Variants in PRIM2 observed in about 807,000 individuals in gnomAD.
PRIM2 encodes DNA primase subunit 2.
A neutral mutation model predicts 67.3 loss-of-function variants in PRIM2; 39 were observed. That is an observed-to-expected ratio of 0.58 (90% confidence interval 0.45 to 0.76). The LOEUF is 0.76. Ranked by LOEUF, PRIM2 falls within the 30% of genes least tolerant of loss-of-function variation. The pLI is 0.00. For synonymous variants in PRIM2, 143 were observed against 198.7 expected (o/e 0.72, Z 2.36); for missense variants, 398 against 598.7 (o/e 0.66, Z 3.50).
At chr6:57,375,210 A>G in intron 5 of PRIM2, among the ~76,000 whole-genome samples, 1 of 152,230 alleles carries the variant, frequency 6.6e-6, no homozygotes, top group Non-Finnish European at 1.5e-5. Flanking sequence ...GGTTTGTCAT[A>G]TATGGCTCTT....
intron 2 of PRIM2, among the ~76,000 whole-genome samples, chr6:57,320,104 C>T (rs924814504): frequency 6.6e-6 from 1 of 152,322 alleles, no homozygotes; most frequent in East Asian, 1.9e-4. Flanking sequence ...ATGCCTACTG[C>T]CTAACAGGCA....
At chr6:57,254,644 C>CAG in the PRIM2 span, among the ~76,000 whole-genome samples, 1 of 152,150 alleles carries the variant, frequency 6.6e-6, no homozygotes, top group South Asian at 2.1e-4. Flanking sequence ...GAATTCTTAA[C>CAG]AGAGGCCTGT....
intron 7 of PRIM2, among the ~76,000 whole-genome samples, chr6:57,467,776 AT>A (rs1349928174): frequency 0.67 from 102,178 of 151,868 alleles, 34,350 homozygotes; most frequent in South Asian, 0.74. Flanking sequence ...ATGTTTTTCC[AT>A]TTTTTTTGTG....
intron 5 of PRIM2, among the ~76,000 whole-genome samples, chr6:57,346,138 C>T (rs1768669629): frequency 6.6e-6 from 1 of 152,088 alleles, no homozygotes; most frequent in Non-Finnish European, 1.5e-5. Context: ...CTTGCTGACC[C>T]TTTGTCTCAT....
chr6:57,623,819 T>C (rs1185297616), intron 12 of PRIM2, among the ~76,000 whole-genome samples: 3 of 152,158 alleles, frequency 2.0e-5, no homozygotes, highest in African/African-American at 7.2e-5. Flanking sequence ...TTACCATCAA[T>C]TTGCAATGTA....
At chr6:57,582,319 C>T (rs1269452818) in intron 10 of PRIM2, among the ~76,000 whole-genome samples, 5 of 152,118 alleles carry the variant, frequency 3.3e-5, no homozygotes, top group African/African-American at 1.2e-4. Context: ...TAAGCAATGG[C>T]GTGTTCTATA....
At chr6:57,518,278 G>A (rs1774528893) in intron 8 of PRIM2, among the ~76,000 whole-genome samples, 1 of 152,212 alleles carries the variant, frequency 6.6e-6, no homozygotes, top group African/African-American at 2.4e-5. Flanking sequence ...AATGTGTATA[G>A]CGGTGCATCT....
At chr6:57,297,099 C>T in the PRIM2 span, among the ~76,000 whole-genome samples, 1 of 151,872 alleles carries the variant, frequency 6.6e-6, no homozygotes, top group Non-Finnish European at 1.5e-5. Context: ...AACATGCTCT[C>T]TTTTTTTTAA....
intron 5 of PRIM2, among the ~76,000 whole-genome samples, chr6:57,341,148 A>G (rs1768471268): frequency 6.6e-6 from 1 of 152,184 alleles, no homozygotes; most frequent in South Asian, 2.1e-4. Flanking sequence ...GTGTGGTGTT[A>G]TACAGCTTCT....
At chr6:57,271,569 A>G in the PRIM2 span, among the ~76,000 whole-genome samples, 1 of 152,092 alleles carries the variant, frequency 6.6e-6, no homozygotes, top group South Asian at 2.1e-4. Context: ...TGATCTTTTC[A>G]AAAAACCAGC....
intron 7 of PRIM2, among the ~76,000 whole-genome samples, chr6:57,429,596 T>C (rs1256559215): frequency 6.6e-6 from 1 of 152,216 alleles, no homozygotes; most frequent in African/African-American, 2.4e-5. Flanking sequence ...TACTTCAGAA[T>C]GTGACCGCAT....
At chr6:57,276,344 T>C in the PRIM2 span, among the ~76,000 whole-genome samples, 1 of 152,072 alleles carries the variant, frequency 6.6e-6, no homozygotes, top group Non-Finnish European at 1.5e-5. Flanking sequence ...TGAGCTGAGA[T>C]CATGCCACTG....
chr6:57,428,561 A>G (rs1351334221), intron 7 of PRIM2, among the ~76,000 whole-genome samples: 2 of 152,184 alleles, frequency 1.3e-5, no homozygotes, highest in East Asian at 3.8e-4. Context: ...GCATGCCTAC[A>G]AGTACTGTGG....
intron 7 of PRIM2, among the ~76,000 whole-genome samples, chr6:57,485,506 T>C (rs1187418495): frequency 6.6e-6 from 1 of 152,172 alleles, no homozygotes; most frequent in Non-Finnish European, 1.5e-5. Flanking sequence ...CTATTAACAT[T>C]AGACCTGAGC....
chr6:57,630,746 T>C (rs1777025789), intron 12 of PRIM2, among the ~76,000 whole-genome samples: 1 of 152,150 alleles, frequency 6.6e-6, no homozygotes, highest in African/African-American at 2.4e-5. Context: ...TAATATATTA[T>C]TATAGATGTT....
At position 57,567,694 on chromosome 6, in the gene PRIM2, G is replaced by A. The variant is rs1409278393; in HGVS notation, c.1020+30069G>A. On this transcript the variant is annotated intron_variant, in intron 10 of 13. Coordinates refer to ENST00000615550, the MANE Select transcript of PRIM2 (RefSeq NM_000947.5). ...AAAATGCCCTTTGCCTTTTCCCCCC[G>A]TTTTTCATTACCTACTTGCTAGAGT... 1.4e-3 allele frequency among the ~76,000 whole-genome samples: 216 copies of A among 152,114 alleles called. 5 individuals carry two copies. The East Asian group carries it at 0.019, about 13-fold the overall frequency.
chr6:57,281,718 G>A, the PRIM2 span, among the ~76,000 whole-genome samples: 1 of 152,072 alleles, frequency 6.6e-6, no homozygotes, highest in Admixed American at 6.5e-5. Flanking sequence ...TGGGCAGATG[G>A]GACTTTCAGG....
upstream of PRIM2, among the ~76,000 whole-genome samples, chr6:57,316,223 G>T (rs1315945121): frequency 6.6e-6 from 1 of 152,146 alleles, no homozygotes; most frequent in Non-Finnish European, 1.5e-5. Flanking sequence ...TCAGGAGTTC[G>T]AGACCAGCTT....
chr6:57,293,399 T>C, the PRIM2 span, among the ~76,000 whole-genome samples: 2 of 152,188 alleles, frequency 1.3e-5, no homozygotes, highest in African/African-American at 4.8e-5. Context: ...GAGTGTAAAT[T>C]AGTTCAACCA....
Sources: allele counts gnomAD v4.1 joint callset (sites outside exome capture counted in the v4.1 genomes callset), GRCh38; gene constraint gnomAD v4.1.1; transcripts MANE v1.5; gene names NCBI Gene and HGNC (gene_info 2026-07-23, HGNC 2026-07-21).